RBM19: variants seen among roughly 807,000 people sequenced by gnomAD.
The protein encoded by RBM19 is probable RNA-binding protein 19.
A neutral mutation model predicts 116.8 loss-of-function variants in RBM19; 94 were observed. The observed-to-expected ratio is 0.80, with a 90% CI of 0.68 to 0.95. RBM19 has a LOEUF of 0.95. Among genes scored for constraint, RBM19 ranks in the 40% least tolerant of loss-of-function variants. The pLI is 0.00. For missense variants in RBM19, 1,161 were observed against 1,220.7 expected (o/e 0.95, Z 0.73); for synonymous variants, 475 against 494.1 (o/e 0.96, Z 0.51).
intron 21 of RBM19, among the ~76,000 whole-genome samples, chr12:113,899,007 A>C (rs1429107086): frequency 1.3e-5 from 2 of 152,246 alleles, no homozygotes; most frequent in African/African-American, 4.8e-5. Flanking sequence ...AAATAACATA[A>C]TAATAAAAAT....
intron 11 of RBM19, 86 bp from the exon 12 acceptor site, chr12:113,946,561 A>C: frequency 3.8e-6 from 6 of 1,576,216 alleles, no homozygotes; most frequent in Non-Finnish European, 5.2e-6. Flanking sequence ...TTCTGCCACG[A>C]GTAAGCTGGA....
At chr12:113,961,536 G>A (rs1872499090) in intron 2 of RBM19, among the ~76,000 whole-genome samples, 1 of 152,132 alleles carries the variant, frequency 6.6e-6, no homozygotes, top group African/African-American at 2.4e-5. Flanking sequence ...ATATATGTAT[G>A]GATAGAGGAA....
chr12:113,886,918 A>G (rs1227805844), intron 21 of RBM19, among the ~76,000 whole-genome samples: 1 of 152,208 alleles, frequency 6.6e-6, no homozygotes, highest in Non-Finnish European at 1.5e-5. Flanking sequence ...CCTGTTTCTC[A>G]GAGGAATGCA....
In RBM19 at chr12:113,944,093, G is replaced by GTTTTTTTTTTTTTTT. The variant is rs71433305; in HGVS notation, c.1627-1674_1627-1660dup. On this transcript the variant is annotated intron_variant, in intron 13 of 23. Transcript: ENST00000261741. ...CAGCTGCCTCTAACTCCAGATGCAT[G>GTTTTTTTTTTTTTTT]TTTTTTTTTTTTTTTTTTTTTTTTG... Among the ~76,000 whole-genome samples the GTTTTTTTTTTTTTTT allele has an allele frequency of 2.1e-3, 141 of 67,650 alleles. 13 individuals carry two copies. Among genetic ancestry groups the GTTTTTTTTTTTTTTT allele is most frequent in the East Asian group, 7.1e-3 (12 of 1,692 alleles). 44.4% of individuals were successfully genotyped at this position (67,650 alleles called of 152,430 possible). A position where few individuals can be genotyped will look rare whatever the true frequency, so the allele number is the denominator to read the frequency against.
intron 21 of RBM19, among the ~76,000 whole-genome samples, chr12:113,871,351 G>A (rs970954489): frequency 1.3e-5 from 2 of 152,222 alleles, no homozygotes; most frequent in African/African-American, 4.8e-5. Context: ...TCTCATCCCA[G>A]AGGAGTTGAA....
intron 22 of RBM19, among the ~76,000 whole-genome samples, chr12:113,856,428 C>T (rs1877908130): frequency 6.6e-6 from 1 of 152,234 alleles, no homozygotes; most frequent in Admixed American, 6.5e-5. Flanking sequence ...TGTCAAAGGG[C>T]TCATGGCTGG....
downstream of RBM19, among the ~76,000 whole-genome samples, chr12:113,819,297 A>T (rs1874266662): frequency 6.6e-6 from 1 of 150,628 alleles, no homozygotes; most frequent in African/African-American, 2.4e-5. Flanking sequence ...TGTCCTACTG[A>T]CCTCCCACCT....
At chr12:113,893,513 G>A (rs1022689665) in intron 21 of RBM19, among the ~76,000 whole-genome samples, 3 of 152,134 alleles carry the variant, frequency 2.0e-5, no homozygotes, top group African/African-American at 7.2e-5. Flanking sequence ...GATAAACACT[G>A]CGGATGTCTT....
intron 23 of RBM19, among the ~76,000 whole-genome samples, chr12:113,836,772 C>A (rs1875931184): frequency 6.6e-6 from 1 of 151,844 alleles, no homozygotes; most frequent in South Asian, 2.1e-4. Context: ...AACATCCTAT[C>A]CCAAGCAATG....
intron 23 of RBM19, among the ~76,000 whole-genome samples, chr12:113,833,388 A>G (rs909891417): frequency 6.6e-6 from 1 of 152,150 alleles, no homozygotes; most frequent in African/African-American, 2.4e-5. Flanking sequence ...CCCCTCTACA[A>G]TGCAGGGGAT....
intron 22 of RBM19, among the ~76,000 whole-genome samples, chr12:113,856,005 G>C (rs950634764): frequency 2.0e-5 from 3 of 152,228 alleles, no homozygotes; most frequent in Non-Finnish European, 2.9e-5. Context: ...ATGTGCTTGT[G>C]ATGGGCTCCT....
In RBM19 at chr12:113,822,060, T is replaced by A. The variant is rs191121539; in HGVS notation, c.*1164A>T. The A allele has an allele frequency of 2.6e-5, 4 of 152,370 alleles. No individual in the cohort carries two copies. The highest frequency in any genetic ancestry group is 2.0e-4 in the Admixed American group (3 of 15,308). 9.4% of individuals were successfully genotyped at this position (152,370 alleles called of 1,614,324 possible). A position where few individuals can be genotyped will look rare whatever the true frequency, so the allele number is the denominator to read the frequency against. On this transcript the variant is annotated 3_prime_UTR_variant, in exon 24 of 24. Transcript: ENST00000261741. ...ATGAAGAAGAAAACAAAAGTGCTGA[T>A]GAGAATCTTCTCTGGGCTTTACTTG...
At chr12:113,892,986 G>A (rs543164493) in intron 21 of RBM19, among the ~76,000 whole-genome samples, 2 of 150,314 alleles carry the variant, frequency 1.3e-5, no homozygotes, top group East Asian at 3.9e-4. Context: ...ATGCATATAT[G>A]TCTATGCGGG....
At chr12:113,847,341 T>C (rs1450492737) in intron 22 of RBM19, among the ~76,000 whole-genome samples, 1 of 149,448 alleles carries the variant, frequency 6.7e-6, no homozygotes, top group Non-Finnish European at 1.5e-5. Context: ...TTTTCTTTCC[T>C]TTTTTTTTTA....
rs749349264 is a variant in RBM19 at position 113,942,437 on chromosome 12, G to A, written c.1627-3C>T. 69 of 1,601,902 alleles carry A rather than the reference G, an allele frequency of 4.3e-5. No homozygotes were observed. The highest frequency in any genetic ancestry group is 5.5e-5 in the Non-Finnish European group (65 of 1,177,920). ...ACGGCCACGCTGCCCTTGGTCTCCT[G>A]TGGAAGAGGAAAGGAAGAGTTCTGG... On this transcript the variant is annotated splice_polypyrimidine_tract_variant and splice_region_variant and intron_variant, in intron 13 of 23. Coordinates refer to ENST00000261741, the MANE Select transcript of RBM19 (RefSeq NM_016196.4).
At chr12:113,934,407 T>C (rs1234701989) in intron 16 of RBM19, among the ~76,000 whole-genome samples, 1 of 152,202 alleles carries the variant, frequency 6.6e-6, no homozygotes, top group African/African-American at 2.4e-5. Flanking sequence ...CTCAGGGCCA[T>C]TTCCCCAGGG....
At chr12:113,838,610 C>T (rs1876170141) in intron 23 of RBM19, among the ~76,000 whole-genome samples, 1 of 152,182 alleles carries the variant, frequency 6.6e-6, no homozygotes, top group Admixed American at 6.5e-5. Flanking sequence ...CTGTATTTAC[C>T]TCCCAGGATT....
chr12:113,920,621 T>A lies in RBM19; in HGVS notation c.2375A>T (p.Lys792Met). Residue 792 changes from lysine (K) to methionine (M), a missense_variant, in exon 19 of 24, where the codon AAG becomes ATG. Transcript: ENST00000261741. Reference protein sequence around the residue: ...RKPEQAQKALKQLQGHVVDGH... With the variant: ...RKPEQAQKALMQLQGHVVDGH... Reference sequence around the variant, plus strand: ...GAATCTTCACTTTACCTGGAGCTGCTTGAGAGCTTTCTGGGCTTGCTCCGG... The same window carrying A: ...GAATCTTCACTTTACCTGGAGCTGCATGAGAGCTTTCTGGGCTTGCTCCGG... 1 of 1,614,018 alleles carries A rather than the reference T, an allele frequency of 6.2e-7. No homozygotes were observed. The highest frequency in any genetic ancestry group is 8.5e-7 in the Non-Finnish European group (1 of 1,179,922).
intron 16 of RBM19, among the ~76,000 whole-genome samples, chr12:113,934,422 T>C (rs967530766): frequency 6.6e-6 from 1 of 152,224 alleles, no homozygotes; most frequent in African/African-American, 2.4e-5. Flanking sequence ...CCAGGGGCTC[T>C]AGGCCTCACA....
Sources: allele counts gnomAD v4.1 joint callset (sites outside exome capture counted in the v4.1 genomes callset), GRCh38; gene constraint gnomAD v4.1.1; transcripts MANE v1.5; gene names NCBI Gene and HGNC (gene_info 2026-07-23, HGNC 2026-07-21).